SHROOM3: variants seen among roughly 807,000 people sequenced by gnomAD.
The protein encoded by SHROOM3 is protein Shroom3.
In SHROOM3, 47 loss-of-function variants were observed where a neutral mutation model predicts 138.6. That is an observed-to-expected ratio of 0.34 (90% CI 0.27 to 0.43). SHROOM3 has a LOEUF of 0.43. SHROOM3 is among the 20% of genes least tolerant of loss of function. The probability of loss-of-function intolerance (pLI) is 1.00; values close to 1 mark genes in which losing one functional copy is unlikely to be tolerated. For synonymous variants in SHROOM3, 1,062 were observed against 1,063.3 expected (o/e 1.00, Z 0.02); for missense variants, 2,491 against 2,596.5 (o/e 0.96, Z 0.88).
rs894689504 is a variant in SHROOM3, at chr4:76,755,004, A to T, written c.4521A>T (p.Glu1507Asp). The change falls in exon 7 of 11, where the codon GAA becomes GAT. Residue 1507 changes from glutamate (E) to aspartate (D), a missense_variant. Coordinates refer to ENST00000296043, the MANE Select transcript of SHROOM3 (RefSeq NM_020859.4). ...CACCTCATGAGGATTATGAAGACGA[A>T]GTGTTTGTGAGGGATCCGCACCCCA... ...SPPPHEDYED[E>D]VFVRDPHPKA... 6.2e-7 allele frequency: 1 copy of T among 1,611,492 alleles called. No homozygotes were observed. The highest frequency in any genetic ancestry group is 2.2e-5 in the East Asian group (1 of 44,818).
chr4:76,448,811 A>G (rs1191440038), intron 1 of SHROOM3, among the ~76,000 whole-genome samples: 1 of 152,240 alleles, frequency 6.6e-6, no homozygotes, highest in Non-Finnish European at 1.5e-5. Context: ...GCCAGACCCT[A>G]AAGACTAATG....
chr4:76,760,400 G>A (rs574143800), intron 9 of SHROOM3, among the ~76,000 whole-genome samples: 1 of 152,308 alleles, frequency 6.6e-6, no homozygotes, highest in East Asian at 1.9e-4. Flanking sequence ...TATAGCACCA[G>A]AGGGGCTGCC....
chr4:76,609,228 T>C (rs1298031558), intron 2 of SHROOM3, among the ~76,000 whole-genome samples: 1 of 152,192 alleles, frequency 6.6e-6, no homozygotes, highest in Admixed American at 6.5e-5. Context: ...CAAATTCAAG[T>C]AATCTTTTTC....
chr4:76,754,863 G>A lies in SHROOM3; in HGVS notation c.4380G>A (p.Gln1460=). Residue 1460 remains glutamine (Q), a synonymous_variant, in exon 7 of 11, where the codon CAG becomes CAA. Coordinates refer to ENST00000296043, the MANE Select transcript of SHROOM3 (RefSeq NM_020859.4). ...CAAACCTGAAGCACTATCAAAAACA[G>A]CAGAGTCTTCCAAGTTTATGCAGCA... ...DFANLKHYQK[Q]QSLPSLCSTS... 6.2e-7 allele frequency: 1 copy of A among 1,614,188 alleles called. No homozygotes were observed. The highest frequency in any genetic ancestry group is 8.5e-7 in the Non-Finnish European group (1 of 1,180,026).
chr4:76,660,667 G>T (rs956957212), intron 2 of SHROOM3, among the ~76,000 whole-genome samples: 7 of 151,990 alleles, frequency 4.6e-5, no homozygotes, highest in Non-Finnish European at 1.5e-5. Context: ...GTAGAGACGG[G>T]GTTTCACCAT....
chr4:76,583,708 T>C (rs1734094672), intron 2 of SHROOM3, among the ~76,000 whole-genome samples: 1 of 152,178 alleles, frequency 6.6e-6, no homozygotes, highest in Non-Finnish European at 1.5e-5. Context: ...AGTTTCCACA[T>C]CTGTAAAGTT....
At chr4:76,757,026 TCTC>T in intron 8 of SHROOM3, 89 bp downstream of exon 8, 4 of 1,597,290 alleles carry the variant, frequency 2.5e-6, no homozygotes, top group African/African-American at 1.3e-5. Flanking sequence ...TGCCTGATGT[TCTC>T]CTACTGCCAC....
intron 2 of SHROOM3, among the ~76,000 whole-genome samples, chr4:76,565,204 C>G (rs979379890): frequency 6.7e-6 from 1 of 148,732 alleles, no homozygotes; most frequent in African/African-American, 2.5e-5. Context: ...AAATATCTGT[C>G]TGAGCCTTTA....
intron 1 of SHROOM3, among the ~76,000 whole-genome samples, chr4:76,543,825 G>A (rs1733156550): frequency 6.6e-6 from 1 of 152,214 alleles, no homozygotes; most frequent in Admixed American, 6.5e-5. Context: ...TTCCTCTGAA[G>A]CCAAGGTGGA....
intron 2 of SHROOM3, 143 bp from the exon 3 acceptor site, chr4:76,710,013 G>A (rs1720182717): frequency 9.6e-7 from 1 of 1,042,394 alleles, no homozygotes; most frequent in Non-Finnish European, 1.5e-6. Context: ...TTAGGTGCAG[G>A]CTTAGAACCC....
At chr4:76,771,584 C>G (rs186827853) in intron 10 of SHROOM3, among the ~76,000 whole-genome samples, 13 of 152,290 alleles carry the variant, frequency 8.5e-5, no homozygotes, top group African/African-American at 3.1e-4. Context: ...GCCACAGGCA[C>G]TCAGTGAGGA....
chr4:76,753,835 T>C (rs937351924), intron 6 of SHROOM3, among the ~76,000 whole-genome samples: 1 of 152,174 alleles, frequency 6.6e-6, no homozygotes, highest in Non-Finnish European at 1.5e-5. Flanking sequence ...AACCTTCAAA[T>C]TCAGCAGCCC....
intron 1 of SHROOM3, among the ~76,000 whole-genome samples, chr4:76,494,837 C>T (rs1244659142): frequency 6.6e-6 from 1 of 152,136 alleles, no homozygotes; most frequent in Non-Finnish European, 1.5e-5. Flanking sequence ...AAATAGAGGT[C>T]GTTTGTCAAG....
chr4:76,750,226 A>C (rs1721574838), intron 6 of SHROOM3, among the ~76,000 whole-genome samples: 1 of 152,178 alleles, frequency 6.6e-6, no homozygotes, highest in Admixed American at 6.5e-5. Flanking sequence ...GAGACAAGGG[A>C]AAACTAACAA....
Position 76,778,980 on chromosome 4 carries a change from C to T in SHROOM3, c.5794C>T (p.Leu1932Phe). 1 of 1,614,192 alleles carries T rather than the reference C, an allele frequency of 6.2e-7. No homozygotes were observed. The highest frequency in any genetic ancestry group is 8.5e-7 in the Non-Finnish European group (1 of 1,180,056). Residue 1932 changes from leucine (L) to phenylalanine (F), a missense_variant, in exon 11 of 11, where the codon CTC becomes TTC. Around this residue, in one of 4 missense-constraint regions of SHROOM3, gnomAD observed 470 missense variants for 595.0 expected, o/e 0.79. Coordinates refer to ENST00000296043, the MANE Select transcript of SHROOM3 (RefSeq NM_020859.4). ...CTTCGTGAAAATGAAGTCCACGCTCCTCATTGAGCAACGGAAGCTGGATGA... is the reference window on the plus strand; with the variant it reads ...CTTCGTGAAAATGAAGTCCACGCTCTTCATTGAGCAACGGAAGCTGGATGA... ...QHFVKMKSTL[L>F]IEQRKLDDKI...
intron 2 of SHROOM3, among the ~76,000 whole-genome samples, chr4:76,576,071 A>G (rs893157218): frequency 6.6e-6 from 1 of 152,178 alleles, no homozygotes; most frequent in South Asian, 2.1e-4. Flanking sequence ...TAGTACAACC[A>G]CTACGGAGAA....
intron 2 of SHROOM3, among the ~76,000 whole-genome samples, chr4:76,644,675 A>G (rs910800686): frequency 1.3e-5 from 2 of 152,174 alleles, no homozygotes; most frequent in Admixed American, 1.3e-4. Context: ...TAATCAAATC[A>G]GGGTAATTAG....
chr4:76,718,082 TGAGTA>T (rs1163414042), intron 3 of SHROOM3, among the ~76,000 whole-genome samples: 1 of 152,174 alleles, frequency 6.6e-6, no homozygotes, highest in African/African-American at 2.4e-5. Flanking sequence ...CTAGCTGATT[TGAGTA>T]TTTATTTTAT....
chr4:76,440,797 C>T (rs1212702537), intron 1 of SHROOM3, among the ~76,000 whole-genome samples: 1 of 152,110 alleles, frequency 6.6e-6, no homozygotes, highest in East Asian at 1.9e-4. Context: ...ATTTCTACTC[C>T]CCTGGAAGGT....
Sources: allele counts gnomAD v4.1 joint callset (sites outside exome capture counted in the v4.1 genomes callset), GRCh38; gene constraint gnomAD v4.1.1; regional missense constraint gnomAD v4.1.1; transcripts MANE v1.5; gene names NCBI Gene and HGNC (gene_info 2026-07-23, HGNC 2026-07-21).